The following FRMD4A variants were observed in gnomAD, a reference collection of about 807,000 sequenced individuals.
The protein encoded by FRMD4A is FERM domain-containing protein 4A.
FRMD4A carries 29 observed loss-of-function variants against 129.1 expected under a neutral mutation model. The observed-to-expected ratio is 0.22, with a 90% CI of 0.17 to 0.31. FRMD4A has a LOEUF of 0.31. FRMD4A is among the 10% of genes least tolerant of loss of function. The pLI is 1.00. For synonymous variants in FRMD4A, 634 were observed against 571.6 expected, an observed-to-expected ratio of 1.11 and a Z score of -1.56; for missense variants, 1,272 against 1,375.8, an observed-to-expected ratio of 0.92 and a Z score of 1.19.
At chr10:13,767,843 C>G (rs1396087677) in intron 6 of FRMD4A, among the ~76,000 whole-genome samples, 1 of 152,072 alleles carries the variant, frequency 6.6e-6, no homozygotes, top group African/African-American at 2.4e-5. Context: ...TCTGCAGTGT[C>G]TGAGCTGGAA....
chr10:13,761,315 A>T lies in FRMD4A; in HGVS notation c.464+332T>A, dbSNP rs150592507. Among the ~76,000 whole-genome samples the T allele has an allele frequency of 2.4e-3, 368 of 152,330 alleles. 1 individual carries two copies. The highest frequency in any genetic ancestry group is 4.2e-3 in the Non-Finnish European group (284 of 68,030). ...CAGGACTGACAGGTTATCTGCAATC[A>T]TATTTACACCACAGTGGTGATTCCA... On this transcript the variant is annotated intron_variant, in intron 8 of 24. Coordinates refer to ENST00000357447, the MANE Select transcript of FRMD4A (RefSeq NM_018027.5).
chr10:14,156,339 T>G (rs1190793721), intron 2 of FRMD4A, among the ~76,000 whole-genome samples: 2 of 152,206 alleles, frequency 1.3e-5, no homozygotes, highest in Non-Finnish European at 2.9e-5. Context: ...TTGAATGAGT[T>G]ATAACAATAC....
rs1314251427 is a variant in FRMD4A at position 13,958,280 on chromosome 10, TG to T, written c.46-99369del. On this transcript the variant is annotated intron_variant, in intron 2 of 24. Coordinates refer to ENST00000357447, the MANE Select transcript of FRMD4A (RefSeq NM_018027.5). Reference sequence around the variant, plus strand: ...TCGCGTGAACAACAGCCATGACCATTGTTTTTTTTTTTTTTTTTTTTGGAGA... The same window carrying T: ...TCGCGTGAACAACAGCCATGACCATTTTTTTTTTTTTTTTTTTTTTGGAGA... Among the ~76,000 whole-genome samples, 16 of 112,792 alleles carry T rather than the reference TG, an allele frequency of 1.4e-4. 1 individual carries two copies. Among genetic ancestry groups the T allele is most frequent in the Non-Finnish European group, 1.5e-4 (9 of 58,444 alleles). The allele number at this position is 112,792 out of a possible 152,430, so 74.0% of individuals were successfully genotyped here. A position where few individuals can be genotyped will look rare whatever the true frequency, so the allele number is the denominator to read the frequency against.
intron 2 of FRMD4A, among the ~76,000 whole-genome samples, chr10:14,312,729 G>T (rs947248655): frequency 6.6e-6 from 1 of 152,118 alleles, no homozygotes; most frequent in Non-Finnish European, 1.5e-5. Context: ...AGCCAGGTGT[G>T]GTGGTGGGCA....
Position 13,659,434 on chromosome 10 carries a change from T to A in FRMD4A, c.1955A>T (p.Asn652Ile), listed in dbSNP as rs757939151. 6.2e-7 allele frequency: 1 copy of A among 1,613,690 alleles called. No homozygotes were observed. Among genetic ancestry groups the A allele is most frequent in the East Asian group, 2.2e-5 (1 of 44,858 alleles). ...GCGGATGGGGCTGTTCTGCAAGGAG[T>A]TGCTTCCTCCGCCGGCTTCCGCACA... Reference protein sequence around the residue: ...GSCAEAGGGSNSLQNSPIRGL... With the variant: ...GSCAEAGGGSISLQNSPIRGL... The change falls in exon 21 of 25, where the codon AAC becomes ATC. Residue 652 changes from asparagine to isoleucine, a missense_variant. By Grantham distance (149) the Asn-to-Ile change is moderately radical. Transcript: ENST00000357447.
intron 2 of FRMD4A, among the ~76,000 whole-genome samples, chr10:14,109,886 C>T (rs368248235): frequency 8.4e-4 from 127 of 151,430 alleles, no homozygotes; most frequent in African/African-American, 2.7e-3. Flanking sequence ...GCAGGAGAAT[C>T]GCTTGAACCG....
At chr10:13,784,589 G>A (rs1011448178) in intron 5 of FRMD4A, among the ~76,000 whole-genome samples, 3 of 152,224 alleles carry the variant, frequency 2.0e-5, no homozygotes, top group Admixed American at 1.3e-4. Context: ...GGAAATGGAA[G>A]AGGAGGAGAG....
At chr10:14,242,852 A>G (rs1183787376) in intron 2 of FRMD4A, among the ~76,000 whole-genome samples, 1 of 152,200 alleles carries the variant, frequency 6.6e-6, no homozygotes, top group Admixed American at 6.5e-5. Flanking sequence ...TAAAGATACA[A>G]TTACAGTATG....
chr10:13,701,291 A>G, intron 14 of FRMD4A, 49 bp downstream of exon 14: 2 of 1,572,646 alleles, frequency 1.3e-6, no homozygotes, highest in Non-Finnish European at 1.7e-6. Context: ...TTCCTAAACT[A>G]AGAGAGGCAG....
intron 15 of FRMD4A, 124 bp downstream of exon 15, chr10:13,693,774 C>A (rs759503233): frequency 9.3e-7 from 1 of 1,069,898 alleles, no homozygotes; most frequent in South Asian, 1.3e-5. Context: ...GTCTGGAAAG[C>A]AAAGCCAGCT....
chr10:13,854,338 C>T (rs1192687064), intron 3 of FRMD4A, among the ~76,000 whole-genome samples: 3 of 152,136 alleles, frequency 2.0e-5, no homozygotes, highest in Non-Finnish European at 2.9e-5. Flanking sequence ...ACATGCTCCG[C>T]CCCCCATATC....
chr10:13,672,373 T>C (rs2083582733), intron 16 of FRMD4A, among the ~76,000 whole-genome samples: 1 of 152,120 alleles, frequency 6.6e-6, no homozygotes, highest in East Asian at 1.9e-4. Context: ...TCTGCTTCCC[T>C]AAAAGTCTAT....
chr10:14,193,219 T>C (rs1351430539), intron 2 of FRMD4A, among the ~76,000 whole-genome samples: 1 of 152,236 alleles, frequency 6.6e-6, no homozygotes, highest in African/African-American at 2.4e-5. Context: ...TACCTTGCTT[T>C]CTCCCTGATA....
chr10:14,260,145 A>G (rs896208929), intron 2 of FRMD4A, among the ~76,000 whole-genome samples: 2 of 152,094 alleles, frequency 1.3e-5, no homozygotes, highest in Non-Finnish European at 2.9e-5. Context: ...AGAAGACATG[A>G]TGTGTGCCAG....
chr10:13,947,224 C>T (rs1993742), intron 2 of FRMD4A, among the ~76,000 whole-genome samples: 76,678 of 151,906 alleles, frequency 0.5, 19,790 homozygotes, highest in African/African-American at 0.59. Context: ...TACGTGGATG[C>T]TATGGATGCG....
intron 12 of FRMD4A, chr10:13,729,517 A>G (rs1438937812): frequency 6.6e-6 from 1 of 152,226 alleles, no homozygotes; most frequent in Non-Finnish European, 1.5e-5. Flanking sequence ...TTTCCTGTAA[A>G]TATTATTTTC....
intron 2 of FRMD4A, among the ~76,000 whole-genome samples, chr10:14,101,314 C>A (rs1399440029): frequency 7.9e-5 from 12 of 152,146 alleles, no homozygotes; most frequent in Admixed American, 7.9e-4. Flanking sequence ...CAGAATTGGT[C>A]TGCAATAATT....
intron 2 of FRMD4A, among the ~76,000 whole-genome samples, chr10:13,926,171 G>T (rs545911495): frequency 6.6e-6 from 1 of 152,254 alleles, no homozygotes; most frequent in South Asian, 2.1e-4. Context: ...GTGATGTGAA[G>T]AAATGGAACA....
At chr10:13,678,619 C>A (rs180949881) in intron 15 of FRMD4A, among the ~76,000 whole-genome samples, 3 of 152,336 alleles carry the variant, frequency 2.0e-5, no homozygotes, top group Admixed American at 2.0e-4. Flanking sequence ...CACGCACACA[C>A]GTCCTAGTAG....
Sources: allele counts gnomAD v4.1 joint callset (sites outside exome capture counted in the v4.1 genomes callset), GRCh38; gene constraint gnomAD v4.1.1; transcripts MANE v1.5; gene names NCBI Gene and HGNC (gene_info 2026-07-23, HGNC 2026-07-21).